Variants in ERBB4 observed in about 807,000 individuals in gnomAD.
The protein encoded by ERBB4 is erb-b2 receptor tyrosine kinase 4, also known as receptor tyrosine-protein kinase erbB-4.
A neutral mutation model predicts 158.0 loss-of-function variants in ERBB4; 42 were observed. The observed-to-expected ratio is 0.27, with a 90% CI of 0.21 to 0.34. The LOEUF (loss-of-function observed/expected upper bound fraction) is 0.34, where lower values mean the gene tolerates loss of function less well. Among genes scored for constraint, ERBB4 ranks in the 10% least tolerant of loss-of-function variants. The pLI, the probability that ERBB4 is intolerant of heterozygous loss-of-function variation, is 1.00. For synonymous variants in ERBB4, 583 were observed against 558.7 expected, an observed-to-expected ratio of 1.04 and a Z score of -0.61; for missense variants, 1,333 against 1,624.1, an observed-to-expected ratio of 0.82 and a Z score of 3.08.
At chr2:211,959,059 GA>G (rs1196103008) in intron 2 of ERBB4, among the ~76,000 whole-genome samples, 1 of 151,954 alleles carries the variant, frequency 6.6e-6, no homozygotes, top group Non-Finnish European at 1.5e-5. Flanking sequence ...ATTTGCACTT[GA>G]CTTTTCTTCC....
chr2:212,523,807 A>G (rs954163575), intron 1 of ERBB4, among the ~76,000 whole-genome samples: 4 of 151,932 alleles, frequency 2.6e-5, no homozygotes, highest in Non-Finnish European at 5.9e-5. Context: ...TGCCTCACTC[A>G]TTTCTTATCA....
At chr2:212,296,511 TTAATA>T (rs1401097602) in intron 1 of ERBB4, among the ~76,000 whole-genome samples, 1 of 151,994 alleles carries the variant, frequency 6.6e-6, no homozygotes, top group Admixed American at 6.6e-5. Context: ...AATATCAAAA[TTAATA>T]TATTCAAGAT....
At chr2:211,987,060 C>A (rs1211587939) in intron 2 of ERBB4, among the ~76,000 whole-genome samples, 1 of 152,030 alleles carries the variant, frequency 6.6e-6, no homozygotes, top group Non-Finnish European at 1.5e-5. Flanking sequence ...GTGGCTCACA[C>A]GTGTAATCCC....
chr2:212,355,842 A>G (rs1000582468), intron 1 of ERBB4, among the ~76,000 whole-genome samples: 10 of 151,946 alleles, frequency 6.6e-5, no homozygotes, highest in African/African-American at 2.4e-4. Flanking sequence ...GTGTATATAT[A>G]TAAAATCATC....
At chr2:211,515,704 A>G (rs1304182270) in intron 20 of ERBB4, among the ~76,000 whole-genome samples, 1 of 150,692 alleles carries the variant, frequency 6.6e-6, no homozygotes, top group Admixed American at 6.6e-5. Context: ...CAGGGCAAAG[A>G]ACAATCAGAT....
intron 1 of ERBB4, among the ~76,000 whole-genome samples, chr2:212,368,504 A>C: frequency 6.6e-6 from 1 of 152,054 alleles, no homozygotes; most frequent in East Asian, 1.9e-4. Flanking sequence ...GGGTGCAACG[A>C]AATCTCACAA....
intron 1 of ERBB4, among the ~76,000 whole-genome samples, chr2:212,130,104 T>A (rs763366917): frequency 4.6e-5 from 7 of 152,142 alleles, no homozygotes; most frequent in Non-Finnish European, 8.8e-5. Context: ...TTCACAAAGC[T>A]GTTTATCAAA....
At chr2:211,857,346 A>AT (rs1248129258) in intron 3 of ERBB4, among the ~76,000 whole-genome samples, 5 of 152,210 alleles carry the variant, frequency 3.3e-5, no homozygotes, top group African/African-American at 1.2e-4. Flanking sequence ...AAGTGTTGCT[A>AT]TAAGAAACCC....
intron 1 of ERBB4, among the ~76,000 whole-genome samples, chr2:212,520,577 T>C (rs1692100213): frequency 6.6e-6 from 1 of 151,960 alleles, no homozygotes; most frequent in African/African-American, 2.4e-5. Context: ...GTGGTGGAGC[T>C]TGTATACAAA....
intron 1 of ERBB4, among the ~76,000 whole-genome samples, chr2:212,490,906 A>G (rs1690241092): frequency 6.6e-6 from 1 of 151,760 alleles, no homozygotes; most frequent in East Asian, 1.9e-4. Flanking sequence ...TTTGGAAATT[A>G]CTGATACTCT....
chr2:211,948,758 T>C (rs1409906264), intron 2 of ERBB4, among the ~76,000 whole-genome samples: 1 of 152,146 alleles, frequency 6.6e-6, no homozygotes, highest in Non-Finnish European at 1.5e-5. Flanking sequence ...TTTCAGATGC[T>C]CCAAGGCTGT....
At chr2:211,501,519 G>T in intron 20 of ERBB4, among the ~76,000 whole-genome samples, 1 of 150,930 alleles carries the variant, frequency 6.6e-6, no homozygotes. Context: ...CATAAATCAA[G>T]ACATTTGATT....
At chr2:212,512,993 C>T (rs1691609988) in intron 1 of ERBB4, among the ~76,000 whole-genome samples, 1 of 152,158 alleles carries the variant, frequency 6.6e-6, no homozygotes, top group Admixed American at 6.5e-5. Flanking sequence ...CTATCAGAAA[C>T]ATCCTCCGCA....
At chr2:211,511,372 T>C (rs2065880979) in intron 20 of ERBB4, among the ~76,000 whole-genome samples, 1 of 152,080 alleles carries the variant, frequency 6.6e-6, no homozygotes, top group African/African-American at 2.4e-5. Context: ...AGCATGATTA[T>C]ATACATGTTC....
chr2:211,583,474 T>G (rs2068164485), intron 19 of ERBB4, among the ~76,000 whole-genome samples: 1 of 151,476 alleles, frequency 6.6e-6, no homozygotes, highest in Admixed American at 6.6e-5. Flanking sequence ...GTTATTTATA[T>G]TCCCAAGATT....
At chr2:211,889,562 CTT>C (rs373541036) in intron 3 of ERBB4, among the ~76,000 whole-genome samples, 8,319 of 151,214 alleles carry the variant, frequency 0.055, 366 homozygotes, top group Non-Finnish European at 0.084. Flanking sequence ...TGGAGAATGA[CTT>C]TGACGAGCTG....
At chr2:211,886,564 T>C (rs1233403959) in intron 3 of ERBB4, among the ~76,000 whole-genome samples, 1 of 151,772 alleles carries the variant, frequency 6.6e-6, no homozygotes, top group Admixed American at 6.6e-5. Context: ...AAAAGAAATA[T>C]AAAACATATG....
chr2:211,773,631 TA>T (rs1267131690), intron 4 of ERBB4, among the ~76,000 whole-genome samples: 3,937 of 91,184 alleles, frequency 0.043, 253 homozygotes, highest in South Asian at 0.085. Context: ...TATATATATA[TA>T]TATATATATA....
At chr2:212,387,546 T>G (rs1443266946) in intron 1 of ERBB4, among the ~76,000 whole-genome samples, 1 of 151,656 alleles carries the variant, frequency 6.6e-6, no homozygotes, top group Admixed American at 6.6e-5. Flanking sequence ...GCCTCCCGAG[T>G]AGCTGGGATT....
Sources: gnomAD v4.1 joint callset for allele counts (sites outside exome capture counted in the v4.1 genomes callset) on GRCh38, gnomAD v4.1.1 for gene constraint, MANE v1.5 for transcripts, NCBI Gene and HGNC (gene_info 2026-07-23, HGNC 2026-07-21) for gene names.